The following SOX5 variants were observed in gnomAD, a reference collection of about 807,000 sequenced individuals.
SOX5 encodes the protein SRY-box transcription factor 5, also known as transcription factor SOX-5.
A neutral mutation model predicts 92.0 loss-of-function variants in SOX5; 9 were observed. That is an observed-to-expected ratio of 0.10 (90% CI 0.06 to 0.17). SOX5 has a LOEUF of 0.17. SOX5 is among the 10% of genes least tolerant of loss of function. SOX5 has a pLI of 1.00. For synonymous variants in SOX5, 344 were observed against 336.3 expected, an observed-to-expected ratio of 1.02 and a Z score of -0.25; for missense variants, 642 against 944.5, an observed-to-expected ratio of 0.68 and a Z score of 4.20.
chr12:24,468,698 T>C (rs2045726357), intron 1 of SOX5, among the ~76,000 whole-genome samples: 1 of 152,246 alleles, frequency 6.6e-6, no homozygotes, highest in African/African-American at 2.4e-5. Flanking sequence ...ACTATATGTC[T>C]GTGGTCTCTG....
In SOX5 at chr12:23,741,044, A is replaced by G. The variant is rs747206181; in HGVS notation, c.569-5T>C. 3.2e-6 allele frequency: 5 copies of G among 1,580,280 alleles called. No individual in the cohort carries two copies. Among genetic ancestry groups the G allele is most frequent in the Non-Finnish European group, 4.3e-6 (5 of 1,159,408 alleles). On this transcript the variant is annotated splice_polypyrimidine_tract_variant and splice_region_variant and intron_variant, in intron 4 of 14. Transcript: ENST00000451604. Reference sequence around the variant, plus strand: ...CAGCTAAGCTCTCGGGAGTCCCTACAAATCATATAGCAATAAAACAGACAA... The same window carrying G: ...CAGCTAAGCTCTCGGGAGTCCCTACGAATCATATAGCAATAAAACAGACAA...
intron 6 of SOX5, among the ~76,000 whole-genome samples, chr12:23,690,767 C>T (rs1209229863): frequency 1.3e-5 from 2 of 152,182 alleles, no homozygotes; most frequent in Non-Finnish European, 2.9e-5. Flanking sequence ...TGAAGATTCA[C>T]ATTTCCTTAC....
chr12:23,725,316 G>T (rs550334553), intron 6 of SOX5, among the ~76,000 whole-genome samples: 6 of 152,250 alleles, frequency 3.9e-5, no homozygotes, highest in African/African-American at 1.4e-4. Flanking sequence ...ACATGGCTGG[G>T]GAGGTCACAC....
At chr12:24,237,651 A>G (rs569166537) in intron 3 of SOX5, among the ~76,000 whole-genome samples, 32 of 152,024 alleles carry the variant, frequency 2.1e-4, no homozygotes, top group Non-Finnish European at 4.1e-4. Flanking sequence ...TATTTGAACT[A>G]GTCAAGTTGT....
At chr12:23,815,121 T>C (rs975604486) in intron 3 of SOX5, among the ~76,000 whole-genome samples, 1 of 152,168 alleles carries the variant, frequency 6.6e-6, no homozygotes, top group Non-Finnish European at 1.5e-5. Flanking sequence ...GAAGTCACTT[T>C]AGAGTTGTAA....
At chr12:24,402,739 A>C (rs1222918635) in intron 1 of SOX5, among the ~76,000 whole-genome samples, 3 of 152,190 alleles carry the variant, frequency 2.0e-5, no homozygotes, top group African/African-American at 7.2e-5. Flanking sequence ...TGAACTTAGA[A>C]ATTTGTACTT....
intron 10 of SOX5, among the ~76,000 whole-genome samples, chr12:23,564,731 G>C (rs1471371705): frequency 6.6e-6 from 1 of 152,216 alleles, no homozygotes; most frequent in Admixed American, 6.5e-5. Context: ...TGTTAGGAAA[G>C]TGTTATTAAT....
At chr12:24,399,676 A>G (rs1596301046) in intron 1 of SOX5, among the ~76,000 whole-genome samples, 1 of 152,248 alleles carries the variant, frequency 6.6e-6, no homozygotes, top group East Asian at 1.9e-4. Flanking sequence ...TTGAATTGCC[A>G]GTAGCAGGAA....
rs562260191 is a variant in SOX5, at chr12:23,611,285, A to G, written c.1018-6752T>C. Among the ~76,000 whole-genome samples, 4 of 151,802 alleles carry G rather than the reference A, an allele frequency of 2.6e-5. No individual in the cohort carries two copies. In the East Asian group the frequency reaches 7.8e-4, roughly 29 times the overall value. ...CCTTGCTTATTTCACTTAACAGAATATGCTTCAGGTTTATCCATGTTTTCA... is the reference window on the plus strand; with the variant it reads ...CCTTGCTTATTTCACTTAACAGAATGTGCTTCAGGTTTATCCATGTTTTCA... On this transcript the variant is annotated intron_variant, in intron 8 of 14. Transcript: ENST00000451604.
At chr12:23,540,375 T>TAAC (rs1174682307) in intron 13 of SOX5, among the ~76,000 whole-genome samples, 7 of 78,072 alleles carry the variant, frequency 9.0e-5, no homozygotes, top group Admixed American at 2.9e-4. Flanking sequence ...ATAATAATAA[T>TAAC]AATAATAATA....
chr12:23,893,356 G>C (rs1287450133), intron 2 of SOX5, among the ~76,000 whole-genome samples: 1 of 151,926 alleles, frequency 6.6e-6, no homozygotes, highest in African/African-American at 2.4e-5. Flanking sequence ...TGAGGCAGGA[G>C]AACTGCTTAA....
rs903839153 is a variant in SOX5, at chr12:23,716,750, C to T, written c.810+17934G>A. Among the ~76,000 whole-genome samples the T allele has an allele frequency of 7.9e-5, 12 of 152,252 alleles. No individual in the cohort carries two copies. In the East Asian group the frequency reaches 9.7e-4, roughly 12 times the overall value. ...AGCTACGTGAGAGATACTAAAATGT[C>T]TAGTCTATTTCTGAAGAGGCTGAGA... On this transcript the variant is annotated intron_variant, in intron 6 of 14. Coordinates refer to ENST00000451604, the MANE Select transcript of SOX5 (RefSeq NM_006940.6).
intron 9 of SOX5, among the ~76,000 whole-genome samples, chr12:23,581,829 C>G (rs925902547): frequency 6.6e-6 from 1 of 151,728 alleles, no homozygotes; most frequent in Admixed American, 6.6e-5. Context: ...TGTCTTTATA[C>G]TCAATATAAT....
chr12:23,697,531 T>C (rs1485443819), intron 6 of SOX5, among the ~76,000 whole-genome samples: 1 of 152,172 alleles, frequency 6.6e-6, no homozygotes, highest in Non-Finnish European at 1.5e-5. Flanking sequence ...TTTGTTTAGA[T>C]AATTTACATT....
chr12:24,046,131 A>G (rs931506596), intron 4 of SOX5, among the ~76,000 whole-genome samples: 1 of 152,194 alleles, frequency 6.6e-6, no homozygotes, highest in Non-Finnish European at 1.5e-5. Flanking sequence ...ACTTCACTCT[A>G]AATAACGTGA....
intron 4 of SOX5, among the ~76,000 whole-genome samples, chr12:24,159,625 T>C (rs1474988296): frequency 6.6e-6 from 1 of 151,996 alleles, no homozygotes. Flanking sequence ...AACCATATAT[T>C]ATTTTCTAAG....
intron 4 of SOX5, among the ~76,000 whole-genome samples, chr12:23,977,663 C>CAAAAA (rs11287193): frequency 2.3e-5 from 3 of 129,550 alleles, no homozygotes; most frequent in African/African-American, 6.0e-5. Flanking sequence ...CGTTCTGTCT[C>CAAAAA]AAAAAAAAAA....
intron 2 of SOX5, among the ~76,000 whole-genome samples, chr12:23,871,109 G>T (rs2096868190): frequency 6.6e-6 from 1 of 152,140 alleles, no homozygotes; most frequent in East Asian, 1.9e-4. Flanking sequence ...AGCAATAACT[G>T]TGAGAAAAAT....
intron 7 of SOX5, among the ~76,000 whole-genome samples, chr12:23,651,480 A>G (rs2081556029): frequency 2.0e-5 from 3 of 152,116 alleles, no homozygotes; most frequent in African/African-American, 7.2e-5. Flanking sequence ...TTCAATTAAC[A>G]TGTATCAAAC....
Sources: allele counts gnomAD v4.1 joint callset (sites outside exome capture counted in the v4.1 genomes callset), GRCh38; gene constraint gnomAD v4.1.1; transcripts MANE v1.5; gene names NCBI Gene and HGNC (gene_info 2026-07-23, HGNC 2026-07-21).